Variants in CTNNA3 observed in about 807,000 individuals in gnomAD.
CTNNA3 encodes catenin alpha-3.
Under a neutral mutation model 95.7 loss-of-function variants are expected in CTNNA3, and 76 were observed. That is an observed-to-expected ratio of 0.79 (90% CI 0.66 to 0.96). CTNNA3 has a LOEUF of 0.96. Ranked by LOEUF, CTNNA3 falls within the 40% of genes least tolerant of loss-of-function variation. The pLI is 0.00. For synonymous variants in CTNNA3, 431 were observed against 374.4 expected, an observed-to-expected ratio of 1.15 and a Z score of -1.74; for missense variants, 1,191 against 1,089.8, an observed-to-expected ratio of 1.09 and a Z score of -1.31.
chr10:67,405,567 A>G (rs1845110343), intron 5 of CTNNA3, among the ~76,000 whole-genome samples: 1 of 152,210 alleles, frequency 6.6e-6, no homozygotes, highest in Admixed American at 6.5e-5. Flanking sequence ...AGACCTTCAA[A>G]GAGACTTAGA....
intron 9 of CTNNA3, among the ~76,000 whole-genome samples, chr10:66,634,935 A>G (rs1415525190): frequency 6.6e-6 from 1 of 152,124 alleles, no homozygotes; most frequent in Admixed American, 6.5e-5. Flanking sequence ...ATTATGAGAA[A>G]TATATGTTAC....
intron 13 of CTNNA3, among the ~76,000 whole-genome samples, chr10:66,227,399 T>C (rs2089361073): frequency 6.7e-6 from 1 of 149,354 alleles, no homozygotes; most frequent in South Asian, 2.2e-4. Flanking sequence ...CATGAGGTAA[T>C]GTTGAATTTT....
chr10:66,462,202 G>T (rs1343522968), intron 11 of CTNNA3, among the ~76,000 whole-genome samples: 1 of 152,018 alleles, frequency 6.6e-6, no homozygotes, highest in Non-Finnish European at 1.5e-5. Flanking sequence ...CTCAGAAAAT[G>T]TACTTATAAA....
At chr10:65,988,827 G>C in intron 15 of CTNNA3, 30 bp from the exon 16 acceptor site, 1 of 1,510,728 alleles carries the variant, frequency 6.6e-7, no homozygotes, top group Non-Finnish European at 9.2e-7. Context: ...TGTTAGCTGT[G>C]GTGTTCATGA....
At chr10:66,451,572 A>G (rs1178239158) in intron 11 of CTNNA3, among the ~76,000 whole-genome samples, 1 of 152,170 alleles carries the variant, frequency 6.6e-6, no homozygotes, top group African/African-American at 2.4e-5. Context: ...TATTTTCATC[A>G]TTAGTTTTAA....
intron 2 of CTNNA3, among the ~76,000 whole-genome samples, chr10:67,616,411 G>A: frequency 6.6e-6 from 1 of 152,240 alleles, no homozygotes; most frequent in East Asian, 1.9e-4. Context: ...AGGATGGGAT[G>A]AGGAATAGAA....
chr10:67,539,420 T>G, intron 4 of CTNNA3, 83 bp downstream of exon 4: 2 of 1,443,158 alleles, frequency 1.4e-6, no homozygotes, highest in Non-Finnish European at 1.9e-6. Context: ...GAAGCCAAGA[T>G]GCACTAGGAT....
intron 11 of CTNNA3, among the ~76,000 whole-genome samples, chr10:66,380,867 T>A (rs1288466159): frequency 3.3e-5 from 5 of 151,712 alleles, no homozygotes; most frequent in Admixed American, 1.3e-4. Context: ...CCTAAATATA[T>A]ACGCACCCAA....
chr10:66,023,037 A>G (rs982616107), intron 15 of CTNNA3, among the ~76,000 whole-genome samples: 1 of 152,140 alleles, frequency 6.6e-6, no homozygotes, highest in Non-Finnish European at 1.5e-5. Flanking sequence ...TGTTTTAAAT[A>G]GTGTGTTTGC....
At chr10:66,791,926 T>A (rs1456714734) in intron 7 of CTNNA3, among the ~76,000 whole-genome samples, 1 of 151,946 alleles carries the variant, frequency 6.6e-6, no homozygotes, top group Non-Finnish European at 1.5e-5. Flanking sequence ...CTTGTACAAC[T>A]GCAAAGTGTA....
At chr10:67,285,358 A>C (rs1007100244) in intron 5 of CTNNA3, among the ~76,000 whole-genome samples, 2 of 152,198 alleles carry the variant, frequency 1.3e-5, no homozygotes, top group African/African-American at 4.8e-5. Context: ...ATAGACGGCT[A>C]GAGAACTGCC....
intron 5 of CTNNA3, among the ~76,000 whole-genome samples, chr10:67,249,093 T>C (rs1866011174): frequency 6.6e-6 from 1 of 151,930 alleles, no homozygotes; most frequent in African/African-American, 2.4e-5. Context: ...GATAGATAAA[T>C]CACATTTCAT....
intron 16 of CTNNA3, among the ~76,000 whole-genome samples, chr10:65,971,841 T>A (rs1048271074): frequency 1.3e-5 from 2 of 152,142 alleles, no homozygotes; most frequent in East Asian, 3.9e-4. Context: ...TAGGAAAACC[T>A]GGTAAAGATA....
intron 14 of CTNNA3, among the ~76,000 whole-genome samples, chr10:66,083,451 G>A (rs56169116): frequency 3.7e-4 from 57 of 152,052 alleles, no homozygotes; most frequent in African/African-American, 1.4e-3. Context: ...TTGGTTTCAC[G>A]TGAGGGTCAA....
At chr10:66,647,187 A>C (rs1321327377) in intron 9 of CTNNA3, among the ~76,000 whole-genome samples, 1 of 152,166 alleles carries the variant, frequency 6.6e-6, no homozygotes, top group South Asian at 2.1e-4. Context: ...AAAAATTAAC[A>C]TCTAAAGGGT....
intron 13 of CTNNA3, among the ~76,000 whole-genome samples, chr10:66,156,964 C>A (rs749602927): frequency 6.6e-6 from 1 of 151,782 alleles, no homozygotes; most frequent in African/African-American, 2.4e-5. Context: ...ATGAGGAGGA[C>A]GTAACCTATT....
chr10:67,520,015 GC>G (rs781424776), intron 5 of CTNNA3, among the ~76,000 whole-genome samples: 4 of 152,074 alleles, frequency 2.6e-5, no homozygotes, highest in Admixed American at 6.6e-5. Flanking sequence ...TAGATTTGAA[GC>G]CCAGTTTCAC....
At chr10:67,638,246 A>G (rs955930704) in intron 2 of CTNNA3, among the ~76,000 whole-genome samples, 1 of 152,236 alleles carries the variant, frequency 6.6e-6, no homozygotes, top group African/African-American at 2.4e-5. Flanking sequence ...TTAAACCAAC[A>G]AAGATCAAAA....
chr10:67,554,495 C>G (rs909422129), intron 3 of CTNNA3, among the ~76,000 whole-genome samples: 33 of 152,210 alleles, frequency 2.2e-4, no homozygotes, highest in African/African-American at 7.7e-4. Flanking sequence ...ATTTGCATTT[C>G]TCTGATGGCC....
Sources: gnomAD v4.1 joint callset for allele counts (sites outside exome capture counted in the v4.1 genomes callset) on GRCh38, gnomAD v4.1.1 for gene constraint, MANE v1.5 for transcripts, NCBI Gene and HGNC (gene_info 2026-07-23, HGNC 2026-07-21) for gene names.